The following ATP8B4 variants were observed in gnomAD, a reference collection of about 807,000 sequenced individuals.
The protein encoded by ATP8B4 is probable phospholipid-transporting ATPase IM.
Under a neutral mutation model 145.6 loss-of-function variants are expected in ATP8B4, and 133 were observed. The observed-to-expected ratio is 0.91, with a 90% CI of 0.79 to 1.05. ATP8B4 has a LOEUF of 1.05. Ranked by LOEUF, ATP8B4 falls within the 50% of genes least tolerant of loss-of-function variation. ATP8B4 has a pLI of 0.00. For synonymous variants in ATP8B4, 507 were observed against 492.9 expected (o/e 1.03, Z -0.38); for missense variants, 1,458 against 1,425.2 (o/e 1.02, Z -0.37).
chr15:49,973,684 TTA>T (rs2045391506), intron 12 of ATP8B4, among the ~76,000 whole-genome samples: 2 of 152,210 alleles, frequency 1.3e-5, no homozygotes, highest in South Asian at 4.1e-4. Context: ...TAGTAATCAT[TTA>T]TGACTTCCAG....
chr15:50,062,538 T>C (rs1003203458), intron 3 of ATP8B4, among the ~76,000 whole-genome samples: 1 of 152,108 alleles, frequency 6.6e-6, no homozygotes, highest in Non-Finnish European at 1.5e-5. Flanking sequence ...ACATGGCTGA[T>C]AAACCCAATT....
intron 1 of ATP8B4, among the ~76,000 whole-genome samples, chr15:50,181,685 C>T (rs184648213): frequency 2.0e-5 from 3 of 152,264 alleles, no homozygotes; most frequent in Admixed American, 2.0e-4. Context: ...TTCTGTTCAA[C>T]CTTGAAGCCT....
intron 14 of ATP8B4, among the ~76,000 whole-genome samples, chr15:49,937,030 G>A (rs1009064915): frequency 1.1e-4 from 16 of 151,896 alleles, no homozygotes; most frequent in African/African-American, 3.9e-4. Flanking sequence ...CTGTGCTGAT[G>A]TTCGAGTTTT....
rs567924473 is a variant in ATP8B4 at position 50,165,387 on chromosome 15, G to A, written c.-43+16874C>T. 4.8e-3 allele frequency among the ~76,000 whole-genome samples: 734 copies of A among 152,250 alleles called. 5 individuals carry two copies. Among genetic ancestry groups the A allele is most frequent in the Non-Finnish European group, 6.8e-3 (461 of 68,030 alleles). On this transcript the variant is annotated intron_variant, in intron 1 of 3. Coordinates refer to the ATP8B4 transcript ENST00000558829. ...TTAATATGATGTTAAAACACAGTGA[G>A]GTACTGTGTTCACTCACCTGGTTTT...
At chr15:49,905,984 A>G (rs1485153150) in intron 20 of ATP8B4, among the ~76,000 whole-genome samples, 1 of 150,264 alleles carries the variant, frequency 6.7e-6, no homozygotes, top group African/African-American at 2.5e-5. Context: ...ACATGCACAC[A>G]CACTTTTTTG....
intron 23 of ATP8B4, chr15:49,895,017 T>C (rs569476774): frequency 6.6e-6 from 1 of 152,382 alleles, no homozygotes; most frequent in Admixed American, 6.5e-5. Context: ...AAAGAAATCC[T>C]GTACCATGAA....
At chr15:49,920,885 C>T (rs1158072962) in intron 17 of ATP8B4, among the ~76,000 whole-genome samples, 1 of 152,170 alleles carries the variant, frequency 6.6e-6, no homozygotes, top group African/African-American at 2.4e-5. Flanking sequence ...TCCCCAGGAA[C>T]CACAACATGA....
intron 3 of ATP8B4, among the ~76,000 whole-genome samples, chr15:50,063,253 AG>A (rs2053154711): frequency 6.6e-6 from 1 of 152,086 alleles, no homozygotes; most frequent in Non-Finnish European, 1.5e-5. Context: ...GGAGGTCTCT[AG>A]TGATAAGACG....
chr15:49,896,925 T>A (rs1323408623), intron 23 of ATP8B4: 2 of 198,580 alleles, frequency 1.0e-5, no homozygotes, highest in African/African-American at 4.7e-5. Context: ...ATCTTCCCAG[T>A]AAAGATACCT....
intron 6 of ATP8B4, among the ~76,000 whole-genome samples, chr15:50,031,621 G>A (rs1426728185): frequency 6.6e-6 from 1 of 151,822 alleles, no homozygotes; most frequent in Non-Finnish European, 1.5e-5. Context: ...TATTTAATAA[G>A]AGTAGTAATT....
intron 25 of ATP8B4, among the ~76,000 whole-genome samples, chr15:49,874,011 A>G (rs2034027324): frequency 1.3e-5 from 2 of 152,196 alleles, no homozygotes; most frequent in Non-Finnish European, 2.9e-5. Context: ...CTCTCTTGTT[A>G]TGACAGGATC....
At chr15:50,138,648 A>T (rs1296704523) in intron 1 of ATP8B4, among the ~76,000 whole-genome samples, 2 of 152,210 alleles carry the variant, frequency 1.3e-5, no homozygotes, top group East Asian at 3.9e-4. Context: ...TCTAAGAAGC[A>T]TACCTTGTAA....
chr15:49,870,204 G>A (rs1481212836), intron 25 of ATP8B4, among the ~76,000 whole-genome samples: 3 of 152,080 alleles, frequency 2.0e-5, no homozygotes, highest in Non-Finnish European at 4.4e-5. Context: ...TGTTGATTTG[G>A]AAAGCTGACC....
intron 12 of ATP8B4, among the ~76,000 whole-genome samples, chr15:49,977,025 C>A (rs1275141735): frequency 1.3e-5 from 2 of 152,190 alleles, no homozygotes; most frequent in East Asian, 3.9e-4. Flanking sequence ...TTAAAAAAAA[C>A]TGTAGCTGGG....
At chr15:50,156,063 TAAATAA>T (rs1567410353) in intron 1 of ATP8B4, among the ~76,000 whole-genome samples, 13 of 29,488 alleles carry the variant, frequency 4.4e-4, no homozygotes, top group African/African-American at 7.1e-4. Flanking sequence ...TGGTAATAAA[TAAATAA>T]ATAAATATAT....
intron 3 of ATP8B4, among the ~76,000 whole-genome samples, chr15:50,068,330 G>A (rs2153629930): frequency 6.6e-6 from 1 of 152,264 alleles, no homozygotes; most frequent in Admixed American, 6.5e-5. Context: ...TGCACTGAAT[G>A]AACACTTTGG....
At chr15:50,178,276 A>C (rs959095706) in intron 1 of ATP8B4, among the ~76,000 whole-genome samples, 3 of 152,234 alleles carry the variant, frequency 2.0e-5, no homozygotes, top group African/African-American at 7.2e-5. Flanking sequence ...GAGGAGGCTT[A>C]ACTAAGCCTA....
chr15:50,072,994 A>G (rs2053913550), intron 3 of ATP8B4, among the ~76,000 whole-genome samples: 2 of 36,644 alleles, frequency 5.5e-5, no homozygotes, highest in Non-Finnish European at 9.3e-5. Flanking sequence ...ATATATATAT[A>G]TATATATATA....
At position 49,880,980 on chromosome 15, in the gene ATP8B4, C is replaced by T. The variant is rs535819119; in HGVS notation, c.2698-1521G>A. On this transcript the variant is annotated intron_variant, in intron 23 of 27. Coordinates refer to ENST00000284509, the MANE Select transcript of ATP8B4 (RefSeq NM_024837.4). ...ACAAAAAATTAGCCAGGCATGGTGG[C>T]GGGCGCCTGTAGTCCCAGCTACTCG... is the stretch of plus-strand genomic sequence containing the variant. Among the ~76,000 whole-genome samples the T allele has an allele frequency of 4.5e-3, 679 of 152,092 alleles. 3 individuals carry two copies. Among genetic ancestry groups the T allele is most frequent in the Non-Finnish European group, 6.5e-3 (443 of 67,980 alleles).
Sources: allele counts gnomAD v4.1 joint callset (sites outside exome capture counted in the v4.1 genomes callset), GRCh38; gene constraint gnomAD v4.1.1; transcripts MANE v1.5; gene names NCBI Gene and HGNC (gene_info 2026-07-23, HGNC 2026-07-21).